The following GRM7 variants were observed in gnomAD, a reference collection of about 807,000 sequenced individuals.
GRM7 encodes the protein glutamate metabotropic receptor 7, also known as metabotropic glutamate receptor 7.
In GRM7, 35 loss-of-function variants were observed where a neutral mutation model predicts 84.5. The ratio of observed to expected loss-of-function variants is 0.41; its 90% CI spans 0.32 to 0.55. The LOEUF (loss-of-function observed/expected upper bound fraction) is 0.55. Ranked by LOEUF, GRM7 falls within the 20% of genes least tolerant of loss-of-function variation. GRM7 has a pLI of 0.19. For missense variants in GRM7, 1,003 were observed against 1,194.6 expected (o/e 0.84, Z 2.36); for synonymous variants, 487 against 455.1 (o/e 1.07, Z -0.89).
intron 1 of GRM7, among the ~76,000 whole-genome samples, chr3:6,949,216 A>T (rs561484244): frequency 6.6e-5 from 10 of 152,178 alleles, no homozygotes; most frequent in African/African-American, 2.4e-4. Context: ...TCCATGTTTA[A>T]TGCTTCCTTC....
intron 1 of GRM7, among the ~76,000 whole-genome samples, chr3:7,083,350 G>A (rs757961156): frequency 2.0e-5 from 3 of 152,110 alleles, no homozygotes; most frequent in Non-Finnish European, 4.4e-5. Context: ...GTTAAGGGAT[G>A]CATATTTTTT....
At chr3:6,884,026 G>C (rs1288216877) in intron 1 of GRM7, among the ~76,000 whole-genome samples, 1 of 152,216 alleles carries the variant, frequency 6.6e-6, no homozygotes, top group African/African-American at 2.4e-5. Flanking sequence ...ATTGATGACA[G>C]TATCAGTGAG....
rs1695283956 is a variant in GRM7, at chr3:6,875,925, AT to A, written c.519+14019del. 2.0e-5 allele frequency among the ~76,000 whole-genome samples: 3 copies of A among 152,246 alleles called. No individual in the cohort carries two copies. The South Asian group carries it at 6.2e-4, about 32-fold the overall frequency. On this transcript the variant is annotated intron_variant, in intron 1 of 9. Coordinates refer to ENST00000357716, the MANE Select transcript of GRM7 (RefSeq NM_000844.4). ...AAAAGGGTTTAATCTCAATTTGTTC[AT>A]CTTTCTCTACTCAGTCTTGATGGGA...
intron 1 of GRM7, among the ~76,000 whole-genome samples, chr3:7,098,284 C>T (rs1698927141): frequency 6.6e-6 from 1 of 151,894 alleles, no homozygotes; most frequent in African/African-American, 2.4e-5. Context: ...TTTGTTGGGT[C>T]CTTGCATGTT....
chr3:7,456,263 T>G (rs1191060689), intron 6 of GRM7, among the ~76,000 whole-genome samples: 1 of 152,134 alleles, frequency 6.6e-6, no homozygotes, highest in Non-Finnish European at 1.5e-5. Context: ...GATTCTTCTT[T>G]TAGAGAATGA....
At chr3:7,429,169 GATA>G (rs907609555) in intron 5 of GRM7, among the ~76,000 whole-genome samples, 1 of 151,984 alleles carries the variant, frequency 6.6e-6, no homozygotes, top group African/African-American at 2.4e-5. Context: ...AAATGTTGAC[GATA>G]ATAATAATGA....
chr3:7,403,733 CTG>C (rs1310755389), intron 4 of GRM7, among the ~76,000 whole-genome samples: 2 of 146,134 alleles, frequency 1.4e-5, no homozygotes, highest in Non-Finnish European at 3.0e-5. Flanking sequence ...ATGAGAATAT[CTG>C]TGTATATATG....
At chr3:7,212,366 CCATT>C (rs2124850032) in intron 2 of GRM7, among the ~76,000 whole-genome samples, 1 of 151,914 alleles carries the variant, frequency 6.6e-6, no homozygotes, top group Admixed American at 6.6e-5. Flanking sequence ...CATTCAATAT[CCATT>C]CATTCATCCA....
chr3:7,041,371 A>G (rs9839143), intron 1 of GRM7, among the ~76,000 whole-genome samples: 60,516 of 152,088 alleles, frequency 0.4, 14,054 homozygotes, highest in Middle Eastern at 0.52. Context: ...AGTTTTAAAA[A>G]TAAATGAAAT....
At chr3:7,083,059 C>G (rs531789749) in intron 1 of GRM7, among the ~76,000 whole-genome samples, 3 of 152,266 alleles carry the variant, frequency 2.0e-5, no homozygotes, top group African/African-American at 7.2e-5. Context: ...AAAACAGTAG[C>G]AGGCTTTGAG....
chr3:6,940,960 T>C (rs1297140310), intron 1 of GRM7, among the ~76,000 whole-genome samples: 4 of 152,232 alleles, frequency 2.6e-5, no homozygotes, highest in African/African-American at 9.6e-5. Flanking sequence ...GGGTTGAACG[T>C]TGAGCAAATT....
At chr3:7,522,890 C>A (rs1288810045) in intron 7 of GRM7, among the ~76,000 whole-genome samples, 3 of 136,306 alleles carry the variant, frequency 2.2e-5, no homozygotes, top group Non-Finnish European at 1.6e-5. Context: ...TGGTACTCTT[C>A]AAGGAAACAA....
chr3:7,128,665 C>T (rs1693486219), intron 1 of GRM7, among the ~76,000 whole-genome samples: 1 of 105,396 alleles, frequency 9.5e-6, no homozygotes, highest in African/African-American at 3.3e-5. Flanking sequence ...CACCACCACG[C>T]CCAGCTAATT....
At chr3:7,694,786 T>TA (rs1194078168) in intron 9 of GRM7, among the ~76,000 whole-genome samples, 2 of 152,188 alleles carry the variant, frequency 1.3e-5, no homozygotes, top group African/African-American at 4.8e-5. Flanking sequence ...TGACCAATTT[T>TA]AAAAAGTCCT....
intron 3 of GRM7, among the ~76,000 whole-genome samples, chr3:7,304,527 A>G (rs569364854): frequency 2.0e-4 from 30 of 151,914 alleles, no homozygotes; most frequent in African/African-American, 7.0e-4. Context: ...TATTAAAAAT[A>G]ATATTTAAAG....
chr3:7,375,214 C>CTTTT (rs1553572612), intron 4 of GRM7, among the ~76,000 whole-genome samples: 2 of 132,950 alleles, frequency 1.5e-5, no homozygotes, highest in Non-Finnish European at 3.2e-5. Context: ...TAAACATCCC[C>CTTTT]TTTTTTTTTT....
intron 4 of GRM7, among the ~76,000 whole-genome samples, chr3:7,331,394 C>A (rs990465895): frequency 4.6e-5 from 7 of 152,152 alleles, no homozygotes; most frequent in African/African-American, 1.7e-4. Context: ...ATTAAATGAT[C>A]AAAAGGTTAG....
intron 1 of GRM7, among the ~76,000 whole-genome samples, chr3:6,923,380 T>TA (rs1308306798): frequency 2.6e-5 from 4 of 152,188 alleles, no homozygotes; most frequent in African/African-American, 4.8e-5. Context: ...AGTGGCCATT[T>TA]AAAAAATAAT....
At chr3:7,219,282 T>C (rs375980663) in intron 2 of GRM7, among the ~76,000 whole-genome samples, 2 of 146,744 alleles carry the variant, frequency 1.4e-5, no homozygotes, top group South Asian at 4.3e-4. Flanking sequence ...ACCATTCATT[T>C]ACTGAACGCT....
Sources: gnomAD v4.1 joint callset for allele counts (sites outside exome capture counted in the v4.1 genomes callset) on GRCh38, gnomAD v4.1.1 for gene constraint, MANE v1.5 for transcripts, NCBI Gene and HGNC (gene_info 2026-07-23, HGNC 2026-07-21) for gene names.